PCDHA8: variants seen among roughly 807,000 people sequenced by gnomAD.
The protein encoded by PCDHA8 is protocadherin alpha-8.
PCDHA8 carries 53 observed loss-of-function variants against 61.8 expected under a neutral mutation model. The observed-to-expected ratio is 0.86, with a 90% CI of 0.69 to 1.08. The LOEUF is 1.08. PCDHA8 is among the 50% of genes least tolerant of loss of function. The pLI is 0.00. For missense variants in PCDHA8, 1,293 were observed against 1,245.0 expected (o/e 1.04, Z -0.58); for synonymous variants, 618 against 556.6 (o/e 1.11, Z -1.55).
chr5:140,966,731 G>T, intron 1 of PCDHA8: 8 of 1,405,136 alleles, frequency 5.7e-6, no homozygotes, highest in Non-Finnish European at 7.4e-6. Context: ...TGCCGCCTCC[G>T]GCCCTGCCCG....
chr5:140,955,726 C>T (rs934215613), intron 1 of PCDHA8, among the ~76,000 whole-genome samples: 1 of 152,264 alleles, frequency 6.6e-6, no homozygotes, highest in East Asian at 1.9e-4. Context: ...ACCATTGAAT[C>T]TATAAATTAC....
chr5:140,971,401 G>A (rs2096476846), intron 1 of PCDHA8, among the ~76,000 whole-genome samples: 1 of 152,164 alleles, frequency 6.6e-6, no homozygotes, highest in Admixed American at 6.5e-5. Context: ...ATTTCTGCCA[G>A]GCACTTTTGG....
chr5:140,956,597 C>T (rs1015881961), intron 1 of PCDHA8, among the ~76,000 whole-genome samples: 1 of 152,054 alleles, frequency 6.6e-6, no homozygotes, highest in African/African-American at 2.4e-5. Flanking sequence ...TCAGGGATAT[C>T]AGCTGGAAGT....
At position 140,856,909 on chromosome 5, in the gene PCDHA8, G is replaced by A. The variant is rs782127825; in HGVS notation, c.2394+13194G>A. 1.5e-4 allele frequency: 234 copies of A among 1,596,020 alleles called. 23 individuals carry two copies. The highest frequency in any genetic ancestry group is 1.9e-4 in the Non-Finnish European group (221 of 1,165,964). Reference sequence around the variant, plus strand: ...CATTTAGCTCTTTGGTCCCACCCACGATAAGAAGGAAATTTTGGATAAACG... The same window carrying A: ...CATTTAGCTCTTTGGTCCCACCCACAATAAGAAGGAAATTTTGGATAAACG... On this transcript the variant is annotated intron_variant, in intron 1 of 3. Coordinates refer to ENST00000531613, the MANE Select transcript of PCDHA8 (RefSeq NM_018911.3).
At chr5:140,887,256 C>T (rs1554182988) in intron 1 of PCDHA8, among the ~76,000 whole-genome samples, 1 of 152,002 alleles carries the variant, frequency 6.6e-6, no homozygotes, top group African/African-American at 2.4e-5. Context: ...GCCACCACGC[C>T]CTGCTAATTT....
intron 1 of PCDHA8, among the ~76,000 whole-genome samples, chr5:140,903,075 C>T (rs2069986128): frequency 6.6e-6 from 1 of 152,114 alleles, no homozygotes; most frequent in Non-Finnish European, 1.5e-5. Flanking sequence ...TGGGTAGATA[C>T]CTGATAGTGG....
At chr5:140,848,198 C>T (rs2150407095) in intron 1 of PCDHA8, 8 of 311,274 alleles carry the variant, frequency 2.6e-5, no homozygotes, top group African/African-American at 1.7e-4. Flanking sequence ...TCTGTTTCAA[C>T]AATCATTACT....
chr5:140,929,161 C>T lies in PCDHA8; in HGVS notation c.2395-49788C>T. On this transcript the variant is annotated intron_variant, in intron 1 of 3. Transcript: ENST00000531613. ...GAGACTTTCTCAGACTTATCTCTAT[C>T]GGGCCTCTCTGGGACTTGGTTCTGA... 2 of 1,614,136 alleles carry T rather than the reference C, an allele frequency of 1.2e-6. No homozygotes were observed. The highest frequency in any genetic ancestry group is 1.7e-6 in the Non-Finnish European group (2 of 1,180,028).
chr5:140,856,311 G>C, intron 1 of PCDHA8: 1 of 1,598,566 alleles, frequency 6.3e-7, no homozygotes, highest in Non-Finnish European at 8.6e-7. Context: ...GTGAATTCTC[G>C]GATTGACCGC....
intron 1 of PCDHA8, among the ~76,000 whole-genome samples, chr5:140,898,033 G>T (rs1293808474): frequency 2.6e-5 from 4 of 152,032 alleles, no homozygotes; most frequent in African/African-American, 9.7e-5. Flanking sequence ...TTTTGATGGG[G>T]TTGTTTGTTT....
rs2150408598 is a variant in PCDHA8, at chr5:140,848,320, T to A, written c.2394+4605T>A. The A allele has an allele frequency of 6.9e-5, 53 of 763,546 alleles. 1 individual carries two copies. The highest frequency in any genetic ancestry group is 1.0e-4 in the Non-Finnish European group (48 of 466,870). 47.3% of individuals were successfully genotyped at this position (763,546 alleles called of 1,614,324 possible). A position where few individuals can be genotyped will look rare whatever the true frequency, so the allele number is the denominator to read the frequency against. ...CGTGATGTCACTCTTTGCCGCGATG[T>A]TCTCTCTGAATCCAGACAAATACAG... is the stretch of plus-strand genomic sequence containing the variant. On this transcript the variant is annotated intron_variant, in intron 1 of 3. Transcript: ENST00000531613.
chr5:140,888,288 C>G (rs1328691042), intron 1 of PCDHA8, among the ~76,000 whole-genome samples: 1 of 152,108 alleles, frequency 6.6e-6, no homozygotes, highest in African/African-American at 2.4e-5. Context: ...CCCTCTACCC[C>G]CTACCCAGGA....
At chr5:140,868,689 T>A (rs951881699) in intron 1 of PCDHA8, 4 of 174,918 alleles carry the variant, frequency 2.3e-5, no homozygotes, top group Admixed American at 2.1e-4. Flanking sequence ...GTTATAATGT[T>A]AAGTCAAACA....
At chr5:140,907,500 G>T (rs2073413620) in intron 1 of PCDHA8, among the ~76,000 whole-genome samples, 1 of 152,228 alleles carries the variant, frequency 6.6e-6, no homozygotes, top group Non-Finnish European at 1.5e-5. Flanking sequence ...TCCAGAGTAA[G>T]TGTCTATTCC....
intron 1 of PCDHA8, among the ~76,000 whole-genome samples, chr5:140,896,597 G>A (rs577303751): frequency 1.3e-5 from 2 of 151,484 alleles, no homozygotes; most frequent in African/African-American, 4.8e-5. Flanking sequence ...GGCTGGTCTC[G>A]AACTCCTGGT....
At chr5:140,894,151 A>G (rs1554185957) in intron 1 of PCDHA8, among the ~76,000 whole-genome samples, 1 of 152,034 alleles carries the variant, frequency 6.6e-6, no homozygotes, top group Non-Finnish European at 1.5e-5. Flanking sequence ...CTTCTATGTA[A>G]TTATCCCTGA....
At chr5:140,870,295 T>G (rs1037957284) in intron 1 of PCDHA8, 1 of 1,614,054 alleles carries the variant, frequency 6.2e-7, no homozygotes, top group Non-Finnish European at 8.5e-7. Context: ...CAAGCTGGTG[T>G]CCACCTTCAA....
chr5:140,843,709 C>T lies in PCDHA8; in HGVS notation c.2388C>T (p.Gly796=). Reference sequence around the variant, plus strand: ...AGCAAGATTTAAATGTTGATCATGGCCTCAAAGTAAGTCCATTTAAATTTA... The same window carrying T: ...AGCAAGATTTAAATGTTGATCATGGTCTCAAAGTAAGTCCATTTAAATTTA... The part of the protein sequence containing the change: ...GEEQDLNVDH[G]LKPRQPNPDW... Residue 796 remains glycine (G), a synonymous_variant, in exon 1 of 4, where the codon GGC becomes GGT. Coordinates refer to ENST00000531613, the MANE Select transcript of PCDHA8 (RefSeq NM_018911.3). 6.3e-7 allele frequency: 1 copy of T among 1,574,864 alleles called. No homozygotes were observed. Among genetic ancestry groups the T allele is most frequent in the Non-Finnish European group, 8.7e-7 (1 of 1,147,320 alleles).
At chr5:140,863,524 T>A in intron 1 of PCDHA8, 1 of 397,376 alleles carries the variant, frequency 2.5e-6, no homozygotes, top group Non-Finnish European at 4.9e-6. Context: ...CTCCCATGGT[T>A]CAGATTTTGG....
Sources: gnomAD v4.1 joint callset for allele counts (sites outside exome capture counted in the v4.1 genomes callset) on GRCh38, gnomAD v4.1.1 for gene constraint, MANE v1.5 for transcripts, NCBI Gene and HGNC (gene_info 2026-07-23, HGNC 2026-07-21) for gene names.